The following CCDC186 variants were observed in gnomAD, a reference collection of about 807,000 sequenced individuals.
CCDC186 encodes coiled-coil domain-containing protein 186.
CCDC186 carries 49 observed loss-of-function variants against 113.7 expected under a neutral mutation model. The ratio of observed to expected loss-of-function variants is 0.43; its 90% CI spans 0.34 to 0.55. CCDC186 has a LOEUF of 0.55. Ranked by LOEUF, CCDC186 falls within the 20% of genes least tolerant of loss-of-function variation. The probability of loss-of-function intolerance (pLI) is 0.02; values close to 1 mark genes in which losing one functional copy is unlikely to be tolerated. For missense variants in CCDC186, 890 were observed against 1,011.1 expected (o/e 0.88, Z 1.62); for synonymous variants, 355 against 345.8 (o/e 1.03, Z -0.30).
At chr10:114,152,856 C>T (rs2119814101) in intron 3 of CCDC186, among the ~76,000 whole-genome samples, 1 of 152,064 alleles carries the variant, frequency 6.6e-6, no homozygotes, top group East Asian at 1.9e-4. Flanking sequence ...AAAAAACAGA[C>T]TAAAATTAAG....
rs1200949831 is a variant in CCDC186, at chr10:114,126,083, G to A, written c.2416C>T (p.Arg806Ter). Residue 806 changes from arginine to a stop codon, truncating the protein, a stop_gained, in exon 15 of 16, where the codon CGA (arginine) becomes TGA (stop). Transcript: ENST00000369287. LOFTEE classifies it high-confidence loss of function. Reference protein sequence around the residue: ...KTKIIQSYILREESGTLSSEA... With the variant: ...KTKIIQSYIL ...GAAGAAAGTGTGCCTGATTCTTCTC[G>A]TAAAATATAACTTTGAATTATTCTG... is the stretch of plus-strand genomic sequence containing the variant. The A allele has an allele frequency of 6.2e-7, 1 of 1,613,476 alleles. No individual in the cohort carries two copies. Among genetic ancestry groups the A allele is most frequent in the Non-Finnish European group, 8.5e-7 (1 of 1,179,734 alleles).
At chr10:114,157,523 T>C (rs2032046421) in intron 3 of CCDC186, 31 bp downstream of exon 3, 1 of 1,565,722 alleles carries the variant, frequency 6.4e-7, no homozygotes, top group African/African-American at 1.4e-5. Flanking sequence ...TTAATTGAAG[T>C]ATAGTCTTCG....
chr10:114,153,204 T>C (rs561775446), intron 3 of CCDC186, among the ~76,000 whole-genome samples: 1 of 152,280 alleles, frequency 6.6e-6, no homozygotes, highest in East Asian at 1.9e-4. Context: ...ACAGAGGATA[T>C]GCTAGGTTAC....
At chr10:114,138,299 T>G (rs2031346489) in intron 6 of CCDC186, among the ~76,000 whole-genome samples, 1 of 8,844 alleles carries the variant, frequency 1.1e-4, no homozygotes, top group African/African-American at 2.0e-4. Flanking sequence ...ACTTTTTTTT[T>G]TTTTTTTTTT....
At chr10:114,126,173 C>A in intron 14 of CCDC186, 68 bp from the exon 15 acceptor site, 2 of 1,177,048 alleles carry the variant, frequency 1.7e-6, no homozygotes, top group South Asian at 2.7e-5. Flanking sequence ...CTGCAAAAGT[C>A]AACTAATCAT....
chr10:114,148,420 T>C (rs2031713528), intron 4 of CCDC186, among the ~76,000 whole-genome samples: 1 of 152,220 alleles, frequency 6.6e-6, no homozygotes, highest in Non-Finnish European at 1.5e-5. Context: ...TTAAGGTCTT[T>C]GGATTTATCC....
chr10:114,161,364 T>C (rs940033125), intron 2 of CCDC186, among the ~76,000 whole-genome samples: 1 of 152,158 alleles, frequency 6.6e-6, no homozygotes, highest in Non-Finnish European at 1.5e-5. Context: ...ATCCATGAAC[T>C]AATAAATGTA....
intron 1 of CCDC186, among the ~76,000 whole-genome samples, chr10:114,169,878 T>C (rs578062119): frequency 5.2e-4 from 79 of 152,308 alleles, no homozygotes; most frequent in African/African-American, 1.8e-3. Flanking sequence ...AGATACTTTC[T>C]GGATAAAGCT....
chr10:114,126,168 A>G (rs1458063202), intron 14 of CCDC186, 63 bp from the exon 15 acceptor site: 3 of 1,219,022 alleles, frequency 2.5e-6, no homozygotes, highest in Admixed American at 2.0e-5. Context: ...GGAATCTGCA[A>G]AAGTCAACTA....
In CCDC186 at chr10:114,121,008, A is replaced by T. The variant is rs1204581158; in HGVS notation, c.*4135T>A. On this transcript the variant is annotated 3_prime_UTR_variant, in exon 16 of 16. Coordinates refer to ENST00000369287, the MANE Select transcript of CCDC186 (RefSeq NM_018017.4). ...ACAATACACACACACACACATATAT[A>T]TATGTCCTCTGGAAGATAAACAAGT... 6.6e-6 allele frequency: 1 copy of T among 152,204 alleles called. No homozygotes were observed. The highest frequency in any genetic ancestry group is 2.4e-5 in the African/African-American group (1 of 41,476). 9.4% of individuals were successfully genotyped at this position (152,204 alleles called of 1,614,324 possible).
At chr10:114,156,157 G>C (rs930309707) in intron 3 of CCDC186, among the ~76,000 whole-genome samples, 1 of 152,090 alleles carries the variant, frequency 6.6e-6, no homozygotes, top group African/African-American at 2.4e-5. Context: ...GGGGACCCTA[G>C]AGCACATAAA....
intron 1 of CCDC186, among the ~76,000 whole-genome samples, chr10:114,168,878 T>C (rs1215034025): frequency 1.3e-5 from 2 of 152,192 alleles, no homozygotes; most frequent in Non-Finnish European, 2.9e-5. Flanking sequence ...AGATATTCAG[T>C]AACAGGTTAT....
Position 114,135,913 on chromosome 10 carries a change from T to G in CCDC186, c.1490A>C (p.Glu497Ala). ...TACCTTTGTTCTCAGTGTTCTTAAC[T>G]CATCCATACCCTCCTTAAATGTTCT... Reference protein sequence around the residue: ...LKRTFKEGMDELRTLRTKVKC... With the variant: ...LKRTFKEGMDALRTLRTKVKC... Residue 497 changes from glutamate to alanine, a missense_variant, in exon 9 of 16, where the codon GAG becomes GCG. Glu to Ala is a moderately radical substitution (Grantham distance 107, BLOSUM62 -1). Transcript: ENST00000369287. 1 of 1,612,692 alleles carries G rather than the reference T, an allele frequency of 6.2e-7. No homozygotes were observed.
intron 1 of CCDC186, chr10:114,173,370 GT>G: frequency 6.3e-6 from 2 of 317,862 alleles, no homozygotes; most frequent in Non-Finnish European, 1.3e-5. Context: ...TTAGGGACAC[GT>G]AGAAGGGTTT....
intron 6 of CCDC186, among the ~76,000 whole-genome samples, chr10:114,142,653 T>A (rs1390143227): frequency 6.6e-6 from 1 of 152,210 alleles, no homozygotes. Context: ...AGTCTGATGA[T>A]CTGGGTAGCC....
In CCDC186 at chr10:114,132,117, G is replaced by A. The variant is rs2031107987; in HGVS notation, c.1723C>T (p.Gln575Ter). 1 of 1,612,680 alleles carries A rather than the reference G, an allele frequency of 6.2e-7. No homozygotes were observed. The highest frequency in any genetic ancestry group is 1.3e-5 in the African/African-American group (1 of 74,846). ...TTCCTACTGCCTTCGATGTCTTTTT[G>A]TAGGTCATTAATCAAAGAATTAAGA... ...ESLNSLINDL[Q>*]KDIEGSRKRE... The change falls in exon 11 of 16, where the codon CAA becomes TAA. Residue 575 changes from glutamine (Q) to a stop codon, truncating the protein, a stop_gained. Transcript: ENST00000369287. LOFTEE classifies it high-confidence loss of function.
chr10:114,155,488 A>C (rs1473970602), intron 3 of CCDC186, among the ~76,000 whole-genome samples: 1 of 152,176 alleles, frequency 6.6e-6, no homozygotes, highest in African/African-American at 2.4e-5. Flanking sequence ...TGGCCTGGCT[A>C]ACATGGTGAA....
rs2032201719 is a variant in CCDC186 at position 114,162,498 on chromosome 10, T to G, written c.632+139A>C. 6.4e-6 allele frequency: 4 copies of G among 621,846 alleles called. No individual in the cohort carries two copies. The South Asian group carries it at 1.1e-4, about 17-fold the overall frequency. 38.5% of individuals were successfully genotyped at this position (621,846 alleles called of 1,614,324 possible). A position where few individuals can be genotyped will look rare whatever the true frequency, so the allele number is the denominator to read the frequency against. ...TGCTCACACATTCAGCAACTATACA[T>G]TTATTGTTCAACTACTATGTGCATG... is the stretch of plus-strand genomic sequence containing the variant. On this transcript the variant is annotated intron_variant, in intron 2 of 15. Coordinates refer to ENST00000369287, the MANE Select transcript of CCDC186 (RefSeq NM_018017.4).
At chr10:114,164,112 A>ACAT (rs2032263379) in intron 1 of CCDC186, among the ~76,000 whole-genome samples, 1 of 103,352 alleles carries the variant, frequency 9.7e-6, no homozygotes, top group African/African-American at 4.0e-5. Flanking sequence ...GTATATATAT[A>ACAT]TATTTTTTTT....
Sources: allele counts gnomAD v4.1 joint callset (sites outside exome capture counted in the v4.1 genomes callset), GRCh38; gene constraint gnomAD v4.1.1; transcripts MANE v1.5; gene names NCBI Gene and HGNC (gene_info 2026-07-23, HGNC 2026-07-21).